Variants in MALRD1 observed in about 807,000 individuals in gnomAD.
MALRD1 encodes the protein MAM and LDL-receptor class A domain-containing protein 1.
Under a neutral mutation model 242.1 loss-of-function variants are expected in MALRD1, and 247 were observed. The observed-to-expected ratio is 1.02, with a 90% CI of 0.92 to 1.13. The LOEUF is 1.13. MALRD1 is among the 50% of genes most tolerant of loss of function. The pLI is 0.00. For missense variants in MALRD1, 2,989 were observed against 2,533.1 expected (o/e 1.18, Z -3.86); for synonymous variants, 995 against 866.6 (o/e 1.15, Z -2.60).
chr10:19,289,431 A>G (rs1359785008), intron 21 of MALRD1, among the ~76,000 whole-genome samples: 1 of 152,172 alleles, frequency 6.6e-6, no homozygotes, highest in Non-Finnish European at 1.5e-5. Flanking sequence ...TAGCATCAAT[A>G]TATTTGTGTT....
chr10:19,047,079 C>G (rs1309239529), upstream of MALRD1, among the ~76,000 whole-genome samples: 1 of 152,102 alleles, frequency 6.6e-6, no homozygotes, highest in African/African-American at 2.4e-5. Flanking sequence ...AATGATCACT[C>G]TACTCTAAGA....
chr10:19,705,624 G>A (rs1240025548), intron 38 of MALRD1, among the ~76,000 whole-genome samples: 4 of 151,812 alleles, frequency 2.6e-5, no homozygotes, highest in Non-Finnish European at 5.9e-5. Context: ...TAAAAACAGG[G>A]TTAGGCCACC....
chr10:19,663,462 T>C (rs1165367604), intron 36 of MALRD1, among the ~76,000 whole-genome samples: 1 of 152,186 alleles, frequency 6.6e-6, no homozygotes, highest in East Asian at 1.9e-4. Flanking sequence ...GACTCTGCTA[T>C]TGTGAATAGT....
chr10:19,272,595 C>A (rs1840302548), intron 19 of MALRD1, among the ~76,000 whole-genome samples: 1 of 152,080 alleles, frequency 6.6e-6, no homozygotes, highest in Non-Finnish European at 1.5e-5. Context: ...ATACATGTGC[C>A]ATGGTGGTTT....
chr10:19,711,725 G>T (rs1834129101), intron 38 of MALRD1, among the ~76,000 whole-genome samples: 1 of 152,154 alleles, frequency 6.6e-6, no homozygotes. Context: ...GAAACACCAG[G>T]GGTTTGGTCT....
intron 33 of MALRD1, among the ~76,000 whole-genome samples, chr10:19,569,300 C>T (rs546309028): frequency 6.6e-6 from 1 of 152,058 alleles, no homozygotes; most frequent in African/African-American, 2.4e-5. Context: ...CAATTTTCTC[C>T]AGCAATTCTC....
chr10:19,482,570 T>C (rs200014120), intron 29 of MALRD1, among the ~76,000 whole-genome samples: 2 of 150,954 alleles, frequency 1.3e-5, no homozygotes, highest in East Asian at 3.9e-4. Flanking sequence ...CACAACAATG[T>C]GCAAAAAATA....
chr10:19,202,892 C>A (rs534887256), intron 14 of MALRD1, among the ~76,000 whole-genome samples: 1 of 152,232 alleles, frequency 6.6e-6, no homozygotes, highest in African/African-American at 2.4e-5. Flanking sequence ...TCCCACCCTA[C>A]AACTTCCTAA....
chr10:19,565,555 A>G lies in MALRD1; in HGVS notation c.5479-1947A>G, dbSNP rs1489430274. 2.6e-5 allele frequency among the ~76,000 whole-genome samples: 4 copies of G among 152,306 alleles called. No homozygotes were observed. The East Asian group carries it at 7.7e-4, about 29-fold the overall frequency. On this transcript the variant is annotated intron_variant, in intron 32 of 39. Transcript: ENST00000454679. ...AATTAGGTTCTGTATAGTATGCTCT[A>G]TTATCAACAAGTTGAATTAGAAACT...
At chr10:19,057,757 T>G (rs1834709885) in intron 1 of MALRD1, among the ~76,000 whole-genome samples, 1 of 152,098 alleles carries the variant, frequency 6.6e-6, no homozygotes, top group African/African-American at 2.4e-5. Flanking sequence ...GGATAAACTT[T>G]GGAATCTGAT....
At chr10:19,690,265 T>C (rs898974140) in intron 36 of MALRD1, among the ~76,000 whole-genome samples, 1 of 152,126 alleles carries the variant, frequency 6.6e-6, no homozygotes. Flanking sequence ...TTTCCTATTA[T>C]TTTCTCATGT....
intron 28 of MALRD1, among the ~76,000 whole-genome samples, chr10:19,401,616 T>G (rs2130854998): frequency 6.6e-6 from 1 of 152,292 alleles, no homozygotes; most frequent in African/African-American, 2.4e-5. Flanking sequence ...CATTATTTTC[T>G]TTGCAGCAAT....
At chr10:19,399,649 G>C (rs1846743399) in intron 28 of MALRD1, among the ~76,000 whole-genome samples, 1 of 152,046 alleles carries the variant, frequency 6.6e-6, no homozygotes. Flanking sequence ...CAATTAAAAT[G>C]GCAATAATCT....
chr10:19,716,122 ACTT>A (rs1834375100), intron 38 of MALRD1, among the ~76,000 whole-genome samples: 1 of 152,248 alleles, frequency 6.6e-6, no homozygotes, highest in South Asian at 2.1e-4. Context: ...TCTTATGTCT[ACTT>A]CTTCATTAAA....
intron 18 of MALRD1, among the ~76,000 whole-genome samples, chr10:19,235,613 A>AGAGAGAGAGAGAGAGAGC (rs769851042): frequency 1.7e-3 from 248 of 143,770 alleles, no homozygotes; most frequent in African/African-American, 6.2e-3. Context: ...AGAGAGAGAG[A>AGAGAGAGAGAGAGAGAGC]GCGCCTAGGT....
chr10:19,146,232 C>T lies in MALRD1; in HGVS notation c.1446C>T (p.Phe482=). The part of the protein sequence containing the change: ...KHLTCDFESG[F]CGWEPFLTED... ...TCACCTGTGACTTTGAGTCGGGTTT[C>T]TGCGGTTGGGAGCCATTTCTCACAG... Residue 482 remains phenylalanine (F), a synonymous_variant, in exon 11 of 40, where the codon TTC becomes TTT. Coordinates refer to ENST00000454679, the MANE Select transcript of MALRD1 (RefSeq NM_001142308.3). The T allele has an allele frequency of 8.1e-7, 1 of 1,231,646 alleles. No individual in the cohort carries two copies. The highest frequency in any genetic ancestry group is 1.0e-6 in the Non-Finnish European group (1 of 987,940). 76.3% of individuals were successfully genotyped at this position (1,231,646 alleles called of 1,614,324 possible). A position where few individuals can be genotyped will look rare whatever the true frequency, so the allele number is the denominator to read the frequency against.
intron 2 of MALRD1, among the ~76,000 whole-genome samples, chr10:19,067,878 G>C (rs1469745977): frequency 1.3e-5 from 2 of 152,228 alleles, no homozygotes; most frequent in Middle Eastern, 3.4e-3. Context: ...ATATTGATAA[G>C]ATGGAGTTTC....
rs1834406100 is a variant in MALRD1, at chr10:19,048,895, T to G, written c.-44T>G. 39 of 1,203,668 alleles carry G rather than the reference T, an allele frequency of 3.2e-5. No individual in the cohort carries two copies. The highest frequency in any genetic ancestry group is 4.1e-5 in the Non-Finnish European group (39 of 960,670). 74.6% of individuals were successfully genotyped at this position (1,203,668 alleles called of 1,614,324 possible). ...TAAAAGAATGTTTCCAATGATGGAC[T>G]TACTTATTACAACTGCTTGATCTCT... On this transcript the variant is annotated 5_prime_UTR_variant, in exon 1 of 40. Coordinates refer to ENST00000454679, the MANE Select transcript of MALRD1 (RefSeq NM_001142308.3).
intron 29 of MALRD1, among the ~76,000 whole-genome samples, chr10:19,465,371 T>C (rs546832424): frequency 3.0e-4 from 45 of 152,302 alleles, no homozygotes; most frequent in African/African-American, 1.0e-3. Context: ...TTTTATAAGG[T>C]AATTTCTGAG....
Sources: allele counts gnomAD v4.1 joint callset (sites outside exome capture counted in the v4.1 genomes callset), GRCh38; gene constraint gnomAD v4.1.1; transcripts MANE v1.5; gene names NCBI Gene and HGNC (gene_info 2026-07-23, HGNC 2026-07-21).